SDK1: variants seen among roughly 807,000 people sequenced by gnomAD.
SDK1 encodes sidekick cell adhesion molecule 1, also known as protein sidekick-1.
Under a neutral mutation model 245.5 loss-of-function variants are expected in SDK1, and 157 were observed. The observed-to-expected ratio is 0.64, with a 90% CI of 0.56 to 0.73. The LOEUF (loss-of-function observed/expected upper bound fraction) is 0.73, where lower values mean the gene tolerates loss of function less well. SDK1 is among the 30% of genes least tolerant of loss of function. The pLI, the probability that SDK1 is intolerant of heterozygous loss-of-function variation, is 0.00. For synonymous variants in SDK1, 1,647 were observed against 1,278.5 expected, an observed-to-expected ratio of 1.29 and a Z score of -6.15; for missense variants, 3,583 against 3,002.3, an observed-to-expected ratio of 1.19 and a Z score of -4.52.
intron 13 of SDK1, among the ~76,000 whole-genome samples, chr7:3,986,394 G>A (rs1038420786): frequency 4.6e-5 from 7 of 152,052 alleles, no homozygotes; most frequent in African/African-American, 7.2e-5. Context: ...CAATAAATGC[G>A]GCAACTGTGT....
At chr7:4,200,529 G>A (rs764385045) in intron 35 of SDK1, among the ~76,000 whole-genome samples, 4 of 152,222 alleles carry the variant, frequency 2.6e-5, no homozygotes, top group South Asian at 4.1e-4. Context: ...CTGAAAGTTC[G>A]ACCGGGGAAG....
chr7:3,344,140 G>T (rs776963370), intron 1 of SDK1, among the ~76,000 whole-genome samples: 4 of 152,044 alleles, frequency 2.6e-5, no homozygotes, highest in South Asian at 2.1e-4. Context: ...ACTGTGTGCA[G>T]GGGAAAAAAT....
chr7:3,956,034 C>A (rs1185987059), intron 7 of SDK1, among the ~76,000 whole-genome samples: 1 of 152,196 alleles, frequency 6.6e-6, no homozygotes, highest in Non-Finnish European at 1.5e-5. Context: ...GGCATGAGAA[C>A]CTTTCCCTGA....
intron 1 of SDK1, among the ~76,000 whole-genome samples, chr7:3,435,258 G>A (rs58297549): frequency 0.11 from 15,524 of 146,526 alleles, 1,052 homozygotes; most frequent in African/African-American, 0.19. Context: ...ATACTGGAGA[G>A]ATCTATTCCA....
intron 29 of SDK1, among the ~76,000 whole-genome samples, chr7:4,146,158 C>T (rs1269257228): frequency 6.6e-6 from 1 of 150,886 alleles, no homozygotes; most frequent in African/African-American, 2.5e-5. Context: ...GCACTGCGTT[C>T]ACACCTTCAG....
intron 1 of SDK1, chr7:3,302,159 T>A: frequency 6.2e-6 from 1 of 161,046 alleles, no homozygotes; most frequent in East Asian, 1.7e-4. Context: ...GAGGACCCAT[T>A]TCTCAGCTCC....
chr7:3,765,238 A>G (rs116635912), intron 4 of SDK1, among the ~76,000 whole-genome samples: 1 of 152,300 alleles, frequency 6.6e-6, no homozygotes, highest in African/African-American at 2.4e-5. Context: ...ATGCATCCAT[A>G]TATTAGTAGT....
intron 4 of SDK1, among the ~76,000 whole-genome samples, chr7:3,647,555 C>T (rs1464761366): frequency 6.6e-6 from 1 of 152,102 alleles, no homozygotes. Context: ...GCCTCCAGAG[C>T]ACCTGGGATT....
intron 4 of SDK1, among the ~76,000 whole-genome samples, chr7:3,671,037 A>G (rs796767912): frequency 6.6e-6 from 1 of 152,122 alleles, no homozygotes; most frequent in African/African-American, 2.4e-5. Flanking sequence ...TAGTTCCTTG[A>G]GGTTTGTTTC....
intron 32 of SDK1, among the ~76,000 whole-genome samples, chr7:4,166,780 G>A (rs902081803): frequency 1.3e-5 from 2 of 152,202 alleles, no homozygotes; most frequent in Non-Finnish European, 2.9e-5. Flanking sequence ...GCACGTGGTT[G>A]AGCCTCCCTC....
chr7:3,460,935 G>C (rs1039113286), intron 1 of SDK1, among the ~76,000 whole-genome samples: 1 of 152,098 alleles, frequency 6.6e-6, no homozygotes, highest in African/African-American at 2.4e-5. Context: ...ACAGAGACAC[G>C]TTTCTTACAT....
At chr7:4,116,057 G>A (rs537946023) in intron 25 of SDK1, among the ~76,000 whole-genome samples, 2 of 152,266 alleles carry the variant, frequency 1.3e-5, no homozygotes, top group East Asian at 1.9e-4. Flanking sequence ...TTAAAAGGGA[G>A]GAAAGCATAG....
chr7:4,019,579 G>A (rs1786703533), intron 17 of SDK1, among the ~76,000 whole-genome samples: 1 of 151,866 alleles, frequency 6.6e-6, no homozygotes, highest in Non-Finnish European at 1.5e-5. Flanking sequence ...GACTTCGATT[G>A]GTCCAAATCT....
intron 1 of SDK1, among the ~76,000 whole-genome samples, chr7:3,518,707 G>T (rs1255036341): frequency 6.6e-6 from 1 of 152,044 alleles, no homozygotes; most frequent in Non-Finnish European, 1.5e-5. Context: ...CGGAGAAAAG[G>T]GAACTCTTAC....
chr7:3,652,097 T>C lies in SDK1; in HGVS notation c.713+9992T>C, dbSNP rs1022167857. 1.1e-4 allele frequency among the ~76,000 whole-genome samples: 17 copies of C among 152,126 alleles called. 1 individual carries two copies. Among genetic ancestry groups the C allele is most frequent in the Admixed American group, 1.1e-3 (17 of 15,268 alleles). On this transcript the variant is annotated intron_variant, in intron 4 of 44. Transcript: ENST00000404826. ...CTCTAGTTAGGAAATATTTAGTAAT[T>C]GGAGTGTTTAAATATTTAGATATTA...
At chr7:4,095,377 C>A (rs1182494494) in intron 22 of SDK1, among the ~76,000 whole-genome samples, 4 of 152,104 alleles carry the variant, frequency 2.6e-5, no homozygotes, top group African/African-American at 9.7e-5. Flanking sequence ...GTGTAGCGGA[C>A]CTGCATAGCC....
At chr7:3,570,724 G>A (rs963774058) in intron 1 of SDK1, among the ~76,000 whole-genome samples, 1 of 152,336 alleles carries the variant, frequency 6.6e-6, no homozygotes, top group East Asian at 1.9e-4. Context: ...AACGAGGCCT[G>A]TGAGAGTCGG....
intron 4 of SDK1, among the ~76,000 whole-genome samples, chr7:3,760,678 A>G (rs1438774930): frequency 6.6e-6 from 1 of 152,124 alleles, no homozygotes; most frequent in African/African-American, 2.4e-5. Context: ...GGATTTCTGC[A>G]TTTGGATGTG....
At chr7:4,025,175 A>G (rs1482730219) in intron 17 of SDK1, among the ~76,000 whole-genome samples, 1 of 152,196 alleles carries the variant, frequency 6.6e-6, no homozygotes, top group African/African-American at 2.4e-5. Flanking sequence ...TGATTTCCCT[A>G]TCCACGAGTG....
Sources: allele counts gnomAD v4.1 joint callset (sites outside exome capture counted in the v4.1 genomes callset), GRCh38; gene constraint gnomAD v4.1.1; transcripts MANE v1.5; gene names NCBI Gene and HGNC (gene_info 2026-07-23, HGNC 2026-07-21).